The following RGS6 variants were observed in gnomAD, a reference collection of about 807,000 sequenced individuals.
RGS6 encodes the protein regulator of G-protein signaling 6.
In RGS6, 30 loss-of-function variants were observed where a neutral mutation model predicts 78.5. That is an observed-to-expected ratio of 0.38 (90% CI 0.29 to 0.52). The LOEUF is 0.52. RGS6 is among the 20% of genes least tolerant of loss of function. The pLI, the probability that RGS6 is intolerant of heterozygous loss-of-function variation, is 0.85. For synonymous variants in RGS6, 206 were observed against 206.0 expected, an observed-to-expected ratio of 1.00 and a Z score of 0.00; for missense variants, 495 against 609.7, an observed-to-expected ratio of 0.81 and a Z score of 1.98.
chr14:72,097,147 AAACATT>A (rs1347327358), intron 2 of RGS6, among the ~76,000 whole-genome samples: 6 of 152,206 alleles, frequency 3.9e-5, no homozygotes, highest in Non-Finnish European at 8.8e-5. Context: ...AAAAAGAAGT[AAACATT>A]AACTTAAAAA....
At chr14:72,235,921 A>G (rs1334918473) in intron 2 of RGS6, among the ~76,000 whole-genome samples, 1 of 152,250 alleles carries the variant, frequency 6.6e-6, no homozygotes, top group Non-Finnish European at 1.5e-5. Context: ...TGTAAGGGCT[A>G]TTAACATAAT....
At chr14:72,074,223 G>A (rs992850102) in intron 2 of RGS6, among the ~76,000 whole-genome samples, 21 of 152,316 alleles carry the variant, frequency 1.4e-4, no homozygotes, top group Admixed American at 1.4e-3. Context: ...ATGAGGCAGG[G>A]TCTCGCTCTG....
chr14:72,580,399 T>C, the RGS6 span, among the ~76,000 whole-genome samples: 3 of 150,946 alleles, frequency 2.0e-5, no homozygotes, highest in Non-Finnish European at 4.4e-5. Context: ...TGGAGAATTG[T>C]TCTTGCTCTG....
intron 2 of RGS6, among the ~76,000 whole-genome samples, chr14:72,031,384 G>A (rs2090864992): frequency 6.6e-6 from 1 of 152,090 alleles, no homozygotes; most frequent in Non-Finnish European, 1.5e-5. Context: ...ATGTAGAGGT[G>A]TACTTATAGA....
chr14:72,307,453 G>T (rs1222975654), intron 2 of RGS6, among the ~76,000 whole-genome samples: 2 of 152,058 alleles, frequency 1.3e-5, no homozygotes, highest in East Asian at 3.9e-4. Context: ...GATTCATCTG[G>T]AATCTATGCT....
chr14:72,409,154 G>C (rs2093193160), intron 3 of RGS6, among the ~76,000 whole-genome samples: 1 of 152,172 alleles, frequency 6.6e-6, no homozygotes, highest in Non-Finnish European at 1.5e-5. Context: ...AATGGAACCT[G>C]TAAGTTAGTC....
At chr14:72,245,090 T>C (rs1245643577) in intron 2 of RGS6, among the ~76,000 whole-genome samples, 3 of 152,170 alleles carry the variant, frequency 2.0e-5, no homozygotes, top group African/African-American at 4.8e-5. Flanking sequence ...GATATCAGCG[T>C]TGGGGAGGAA....
chr14:71,908,826 T>A, the RGS6 span, among the ~76,000 whole-genome samples: 2 of 152,202 alleles, frequency 1.3e-5, no homozygotes, highest in Non-Finnish European at 2.9e-5. Context: ...ACCTGAATGA[T>A]TCCATCTTGA....
intron 15 of RGS6, among the ~76,000 whole-genome samples, chr14:72,531,609 G>A (rs907001784): frequency 1.3e-5 from 2 of 152,036 alleles, no homozygotes; most frequent in African/African-American, 4.8e-5. Flanking sequence ...GAAACCAAGA[G>A]GGCCTCACAT....
In RGS6 at chr14:72,417,819, C is replaced by A. The variant is rs372891598; in HGVS notation, c.185-36709C>A. On this transcript the variant is annotated intron_variant, in intron 3 of 17. Transcript: ENST00000553525. ...AGCTATGTAGGTGCTGTTAATTCTT[C>A]TTTGCCCCACTGGTCCCCAGGTTCC... 3.5e-4 allele frequency among the ~76,000 whole-genome samples: 53 copies of A among 152,350 alleles called. No homozygotes were observed. In the East Asian group the frequency reaches 8.3e-3, roughly 24 times the overall value.
the RGS6 span, among the ~76,000 whole-genome samples, chr14:71,921,719 T>C: frequency 0.37 from 56,644 of 151,962 alleles, 11,945 homozygotes; most frequent in South Asian, 0.48. Context: ...ATGGGAGAAA[T>C]GGGAAGACAT....
At chr14:72,526,260 C>T (rs764815405) in intron 15 of RGS6, among the ~76,000 whole-genome samples, 2 of 126,860 alleles carry the variant, frequency 1.6e-5, no homozygotes, top group African/African-American at 3.1e-5. Flanking sequence ...CCTGCCACCA[C>T]GCCCAGCTAA....
the RGS6 span, among the ~76,000 whole-genome samples, chr14:71,878,284 G>T: frequency 1.1e-4 from 16 of 152,228 alleles, no homozygotes; most frequent in Admixed American, 2.0e-4. Context: ...CAGAGGTGGA[G>T]TCTACAGAGG....
chr14:72,299,897 T>G (rs143338539), intron 2 of RGS6, among the ~76,000 whole-genome samples: 2 of 152,354 alleles, frequency 1.3e-5, no homozygotes, highest in East Asian at 3.9e-4. Flanking sequence ...TTTTTCTTAA[T>G]GAGTCTAAAT....
intron 2 of RGS6, among the ~76,000 whole-genome samples, chr14:72,236,643 C>T (rs953353684): frequency 1.2e-4 from 18 of 152,190 alleles, no homozygotes; most frequent in African/African-American, 2.9e-4. Context: ...GCACAGCGGC[C>T]GGGCAGAGGC....
chr14:72,415,235 A>G (rs1468569056), intron 3 of RGS6, among the ~76,000 whole-genome samples: 2 of 152,212 alleles, frequency 1.3e-5, no homozygotes, highest in Non-Finnish European at 2.9e-5. Context: ...AAGCCTGGGC[A>G]ATGGCGGGTG....
chr14:72,260,443 G>A (rs969131198), intron 2 of RGS6, among the ~76,000 whole-genome samples: 3 of 152,214 alleles, frequency 2.0e-5, no homozygotes, highest in Non-Finnish European at 4.4e-5. Flanking sequence ...AATAAAAGAT[G>A]TCAAAGTTGT....
chr14:72,420,330 C>T (rs574975562), intron 3 of RGS6, among the ~76,000 whole-genome samples: 1 of 152,286 alleles, frequency 6.6e-6, no homozygotes, highest in South Asian at 2.1e-4. Context: ...AGAATAAGCA[C>T]CCACTTTACA....
At chr14:72,537,723 G>T in intron 16 of RGS6, 1 of 603,592 alleles carries the variant, frequency 1.7e-6, no homozygotes, top group Non-Finnish European at 2.9e-6. Flanking sequence ...GTCAAAGTAA[G>T]TTTTTCTTAT....
Sources: allele counts gnomAD v4.1 joint callset (sites outside exome capture counted in the v4.1 genomes callset), GRCh38; gene constraint gnomAD v4.1.1; transcripts MANE v1.5; gene names NCBI Gene and HGNC (gene_info 2026-07-23, HGNC 2026-07-21).